The following DOCK1 variants were observed in gnomAD, a reference collection of about 807,000 sequenced individuals.
DOCK1 encodes the protein dedicator of cytokinesis 1.
In DOCK1, 138 loss-of-function variants were observed where a neutral mutation model predicts 262.7. That is an observed-to-expected ratio of 0.53 (90% CI 0.46 to 0.61). The LOEUF (loss-of-function observed/expected upper bound fraction) is 0.61. Ranked by LOEUF, DOCK1 falls within the 20% of genes least tolerant of loss-of-function variation. The pLI, the probability that DOCK1 is intolerant of heterozygous loss-of-function variation, is 0.00. For synonymous variants in DOCK1, 866 were observed against 867.4 expected, an observed-to-expected ratio of 1.00 and a Z score of 0.03; for missense variants, 1,908 against 2,370.7, an observed-to-expected ratio of 0.80 and a Z score of 4.05.
chr10:127,249,408 T>A (rs10764913), intron 28 of DOCK1, among the ~76,000 whole-genome samples: 1 of 151,290 alleles, frequency 6.6e-6, no homozygotes, highest in South Asian at 2.1e-4. Context: ...TATATACATA[T>A]ATATATACAT....
intron 6 of DOCK1, 24 bp from the exon 7 acceptor site, chr10:126,996,724 C>T (rs2040223023): frequency 1.3e-6 from 2 of 1,596,630 alleles, no homozygotes. Context: ...TGTCTGTGAA[C>T]TTACTAAATT....
At chr10:127,364,059 G>T (rs896909348) in intron 33 of DOCK1, among the ~76,000 whole-genome samples, 1 of 152,228 alleles carries the variant, frequency 6.6e-6, no homozygotes, top group Non-Finnish European at 1.5e-5. Flanking sequence ...CTTCTCTCAA[G>T]GCCGGAACCT....
intron 13 of DOCK1, 150 bp from the exon 14 acceptor site, chr10:127,023,050 A>C (rs1320823475): frequency 2.0e-6 from 2 of 989,008 alleles, no homozygotes; most frequent in African/African-American, 3.3e-5. Flanking sequence ...CATGTATTTA[A>C]ATGGTGAGAC....
intron 47 of DOCK1, among the ~76,000 whole-genome samples, chr10:127,429,164 A>G (rs1222244867): frequency 1.3e-5 from 2 of 152,056 alleles, no homozygotes; most frequent in African/African-American, 2.4e-5. Context: ...CACCGTCTCC[A>G]TCAACCTCCC....
chr10:127,019,519 C>CG (rs1009832732), intron 13 of DOCK1, among the ~76,000 whole-genome samples: 7 of 136,342 alleles, frequency 5.1e-5, no homozygotes, highest in African/African-American at 1.1e-4. Context: ...GAGTTCGAGG[C>CG]GGGGGGATCA....
chr10:127,204,169 C>G (rs2057606518), intron 27 of DOCK1, among the ~76,000 whole-genome samples: 1 of 152,046 alleles, frequency 6.6e-6, no homozygotes, highest in Admixed American at 6.5e-5. Flanking sequence ...TCTTAAGATT[C>G]CAGAATATTC....
chr10:127,344,932 T>C (rs1359596357), intron 31 of DOCK1, among the ~76,000 whole-genome samples: 1 of 152,250 alleles, frequency 6.6e-6, no homozygotes, highest in Non-Finnish European at 1.5e-5. Context: ...GACTACATGC[T>C]GTATTTTTAC....
At chr10:127,163,008 C>A (rs2053724324) in intron 27 of DOCK1, among the ~76,000 whole-genome samples, 1 of 152,208 alleles carries the variant, frequency 6.6e-6, no homozygotes, top group African/African-American at 2.4e-5. Flanking sequence ...TGCAAACCTG[C>A]ATCCTTGGTC....
chr10:127,159,212 T>C (rs753618840), intron 27 of DOCK1, among the ~76,000 whole-genome samples: 1 of 152,194 alleles, frequency 6.6e-6, no homozygotes, highest in Non-Finnish European at 1.5e-5. Flanking sequence ...TACATTTCTG[T>C]TTTGTAGTGA....
intron 1 of DOCK1, among the ~76,000 whole-genome samples, chr10:126,920,625 T>C (rs1016768545): frequency 2.2e-4 from 33 of 152,266 alleles, no homozygotes; most frequent in Non-Finnish European, 4.4e-5. Context: ...TAATAAATTC[T>C]GTTCAGAGCA....
At chr10:127,230,100 T>C (rs7900275) in intron 27 of DOCK1, among the ~76,000 whole-genome samples, 2,592 of 152,310 alleles carry the variant, frequency 0.017, 75 homozygotes, top group African/African-American at 0.059. Context: ...TTGCCCCTTT[T>C]TAAAACAGGT....
chr10:127,152,958 G>C (rs887759756), intron 27 of DOCK1, among the ~76,000 whole-genome samples: 1 of 152,166 alleles, frequency 6.6e-6, no homozygotes, highest in Non-Finnish European at 1.5e-5. Flanking sequence ...ACCCTGATGG[G>C]TTGAAGATTG....
intron 16 of DOCK1, among the ~76,000 whole-genome samples, chr10:127,031,329 T>C (rs977859889): frequency 2.0e-5 from 3 of 152,200 alleles, no homozygotes; most frequent in African/African-American, 7.2e-5. Context: ...TCCTCTGCCT[T>C]CTTCAAGACC....
At chr10:126,937,281 T>C (rs1227313180) in intron 1 of DOCK1, among the ~76,000 whole-genome samples, 1 of 152,238 alleles carries the variant, frequency 6.6e-6, no homozygotes, top group Non-Finnish European at 1.5e-5. Context: ...TTGTGAATAA[T>C]GCTGCTATGA....
In DOCK1 at chr10:126,948,115, GAT is replaced by G. The variant is rs2035715207; in HGVS notation, c.47-22586_47-22585del. Among the ~76,000 whole-genome samples the G allele has an allele frequency of 4.1e-4, 48 of 116,594 alleles. 1 individual carries two copies. The highest frequency in any genetic ancestry group is 9.1e-4 in the East Asian group (3 of 3,294). The allele number at this position is 116,594 out of a possible 152,430, so 76.5% of individuals were successfully genotyped here. A position where few individuals can be genotyped will look rare whatever the true frequency, so the allele number is the denominator to read the frequency against. On this transcript the variant is annotated intron_variant, in intron 1 of 51. Transcript: ENST00000623213. ...GGTTGGTAGTATTACTGTTGGTGGT[GAT>G]GGTGGTGGTTGGTAGTATTACTGTT... is the stretch of plus-strand genomic sequence containing the variant.
intron 48 of DOCK1, among the ~76,000 whole-genome samples, chr10:127,433,941 G>C (rs142317070): frequency 6.6e-6 from 1 of 151,784 alleles, no homozygotes; most frequent in South Asian, 2.1e-4. Flanking sequence ...GAAGCCAAAA[G>C]ATTGGGCACC....
intron 12 of DOCK1, among the ~76,000 whole-genome samples, chr10:127,013,010 G>T (rs2041587514): frequency 6.6e-6 from 1 of 152,206 alleles, no homozygotes; most frequent in South Asian, 2.1e-4. Context: ...CATGCAGACT[G>T]CCCGTAAACG....
chr10:126,947,878 GTGA>G (rs1370302741), intron 1 of DOCK1, among the ~76,000 whole-genome samples: 1 of 109,288 alleles, frequency 9.2e-6, no homozygotes, highest in Admixed American at 8.8e-5. Context: ...ACTGTTGGTG[GTGA>G]TGGTGGTGGT....
chr10:127,087,849 A>T (rs1392097070), intron 23 of DOCK1, among the ~76,000 whole-genome samples: 2 of 152,178 alleles, frequency 1.3e-5, no homozygotes, highest in African/African-American at 4.8e-5. Flanking sequence ...CTCACCCTGG[A>T]CTTCCTTTGT....
Sources: allele counts gnomAD v4.1 joint callset (sites outside exome capture counted in the v4.1 genomes callset), GRCh38; gene constraint gnomAD v4.1.1; transcripts MANE v1.5; gene names NCBI Gene and HGNC (gene_info 2026-07-23, HGNC 2026-07-21).